Variants in GPR158 observed in about 807,000 individuals in gnomAD.
The protein encoded by GPR158 is G protein-coupled receptor 158.
A neutral mutation model predicts 78.2 loss-of-function variants in GPR158; 30 were observed. The observed-to-expected ratio is 0.38, with a 90% confidence interval of 0.29 to 0.52. The LOEUF (loss-of-function observed/expected upper bound fraction) is 0.52, where lower values mean the gene tolerates loss of function less well. Among genes scored for constraint, GPR158 ranks in the 20% least tolerant of loss-of-function variants. The pLI, the probability that GPR158 is intolerant of heterozygous loss-of-function variation, is 0.83. For synonymous variants in GPR158, 581 were observed against 591.1 expected (o/e 0.98, Z 0.25); for missense variants, 1,463 against 1,523.5 (o/e 0.96, Z 0.66).
intron 2 of GPR158, among the ~76,000 whole-genome samples, chr10:25,343,241 C>A (rs1314853350): frequency 2.0e-5 from 3 of 151,902 alleles, no homozygotes; most frequent in Non-Finnish European, 4.4e-5. Flanking sequence ...GTAAAGGAAT[C>A]TAGGACTCTC....
intron 2 of GPR158, among the ~76,000 whole-genome samples, chr10:25,251,187 T>A (rs1284195346): frequency 1.3e-5 from 2 of 152,346 alleles, no homozygotes; most frequent in East Asian, 3.9e-4. Context: ...TCCATCCTTT[T>A]ATTTTGAGCC....
At chr10:25,201,457 C>G (rs1474422161) in intron 1 of GPR158, among the ~76,000 whole-genome samples, 1 of 152,094 alleles carries the variant, frequency 6.6e-6, no homozygotes, top group African/African-American at 2.4e-5. Context: ...GAGATAGTTT[C>G]ACTTCCTCTC....
At chr10:25,587,602 C>G (rs910448375) in intron 7 of GPR158, among the ~76,000 whole-genome samples, 1 of 152,114 alleles carries the variant, frequency 6.6e-6, no homozygotes, top group African/African-American at 2.4e-5. Context: ...CAGAGTTACC[C>G]GATTCCCTTT....
chr10:25,253,288 C>G (rs1853840552), intron 2 of GPR158, among the ~76,000 whole-genome samples: 3 of 152,208 alleles, frequency 2.0e-5, no homozygotes, highest in Non-Finnish European at 4.4e-5. Context: ...GTCGGTCACG[C>G]TGGGAGCTGT....
chr10:25,452,597 TCTA>T (rs2130602810), intron 4 of GPR158, among the ~76,000 whole-genome samples: 1 of 152,214 alleles, frequency 6.6e-6, no homozygotes, highest in Non-Finnish European at 1.5e-5. Context: ...GGGAAGCAAA[TCTA>T]CTCATATATC....
rs533940682 is a variant in GPR158 at position 25,213,068 on chromosome 10, T to C, written c.903-7984T>C. 3.9e-5 allele frequency among the ~76,000 whole-genome samples: 6 copies of C among 152,348 alleles called. No individual in the cohort carries two copies. The South Asian group carries it at 1.2e-3, about 32-fold the overall frequency. On this transcript the variant is annotated intron_variant, in intron 1 of 10. Transcript: ENST00000376351. ...CTTACTGAACTTTCTTATTCTCATA[T>C]TTATCTGCTGATTTTAAATGATCAT...
chr10:25,341,528 C>T (rs1332991396), intron 2 of GPR158, among the ~76,000 whole-genome samples: 2 of 151,260 alleles, frequency 1.3e-5, no homozygotes, highest in African/African-American at 4.9e-5. Context: ...AATAATGGAT[C>T]CAAAAAAGGA....
chr10:25,526,106 A>T (rs1247369878), intron 5 of GPR158, among the ~76,000 whole-genome samples: 1 of 84,800 alleles, frequency 1.2e-5, no homozygotes, highest in African/African-American at 1.2e-4. Context: ...TTTTGTCTAA[A>T]AAAAAAAAAA....
intron 2 of GPR158, chr10:25,244,777 A>C (rs1255419763): frequency 6.6e-6 from 1 of 152,078 alleles, no homozygotes; most frequent in Non-Finnish European, 1.5e-5. Flanking sequence ...TCAATGAAGA[A>C]GTTTTGATAC....
chr10:25,304,879 C>T (rs940076204), intron 2 of GPR158, among the ~76,000 whole-genome samples: 2 of 152,172 alleles, frequency 1.3e-5, no homozygotes, highest in African/African-American at 4.8e-5. Flanking sequence ...CAGTTATTTT[C>T]TGATTCTTGC....
At chr10:25,489,284 A>T (rs1009988077) in intron 5 of GPR158, among the ~76,000 whole-genome samples, 1 of 152,140 alleles carries the variant, frequency 6.6e-6, no homozygotes, top group East Asian at 1.9e-4. Flanking sequence ...TATAAATTTT[A>T]TTGGGACTGG....
chr10:25,564,251 T>G (rs1289656486), intron 6 of GPR158, among the ~76,000 whole-genome samples: 4 of 152,214 alleles, frequency 2.6e-5, no homozygotes, highest in African/African-American at 9.6e-5. Context: ...TTCCTGCATG[T>G]GCAGAGCCTG....
rs1167817694 is a variant in GPR158 at position 25,249,832 on chromosome 10, G to A, written c.1008+28675G>A. On this transcript the variant is annotated intron_variant, in intron 2 of 10. Transcript: ENST00000376351. ...CAGAATGATGCTGGCCTCATAAAAT[G>A]AGTTAGGGAGGATTCCCTCTTTTTC... Among the ~76,000 whole-genome samples the A allele has an allele frequency of 8.6e-5, 13 of 150,932 alleles. No individual in the cohort carries two copies. The East Asian group carries it at 2.4e-3, about 27-fold the overall frequency.
chr10:25,410,345 C>A (rs1156524271), intron 3 of GPR158, among the ~76,000 whole-genome samples: 1 of 152,102 alleles, frequency 6.6e-6, no homozygotes, highest in Non-Finnish European at 1.5e-5. Context: ...CAACCAGGTG[C>A]GGTGGCTCAC....
intron 2 of GPR158, among the ~76,000 whole-genome samples, chr10:25,248,259 T>A (rs1401886117): frequency 1.3e-5 from 2 of 152,096 alleles, no homozygotes; most frequent in East Asian, 1.9e-4. Context: ...TCTCCCATTT[T>A]GTAGGTTGCC....
chr10:25,432,506 G>A (rs1446436046), intron 4 of GPR158, among the ~76,000 whole-genome samples: 1 of 152,174 alleles, frequency 6.6e-6, no homozygotes, highest in African/African-American at 2.4e-5. Context: ...AGCACTATAT[G>A]TAGTGCAAGC....
At chr10:25,275,685 A>C (rs1854174141) in intron 2 of GPR158, among the ~76,000 whole-genome samples, 1 of 152,218 alleles carries the variant, frequency 6.6e-6, no homozygotes, top group East Asian at 1.9e-4. Context: ...TCATTTATAT[A>C]GCCCTCTGCC....
intron 7 of GPR158, among the ~76,000 whole-genome samples, chr10:25,575,841 C>T (rs576346309): frequency 4.6e-5 from 7 of 150,652 alleles, no homozygotes; most frequent in Admixed American, 2.0e-4. Flanking sequence ...CTTCAAATTC[C>T]TGCCTTCATA....
intron 1 of GPR158, among the ~76,000 whole-genome samples, chr10:25,208,045 C>A (rs1023865149): frequency 6.6e-6 from 1 of 152,086 alleles, no homozygotes; most frequent in African/African-American, 2.4e-5. Flanking sequence ...AAAACTGGAA[C>A]GACCTAAACA....
Sources: allele counts gnomAD v4.1 joint callset (sites outside exome capture counted in the v4.1 genomes callset), GRCh38; gene constraint gnomAD v4.1.1; transcripts MANE v1.5; gene names NCBI Gene and HGNC (gene_info 2026-07-23, HGNC 2026-07-21).